ZNF30: variants seen among roughly 807,000 people sequenced by gnomAD.
ZNF30 encodes the protein zinc finger protein 30 (KOX 28).
A neutral mutation model predicts 13.2 loss-of-function variants in ZNF30; 15 were observed. The ratio of observed to expected loss-of-function variants is 1.13; its 90% confidence interval spans 0.76 to 1.75. ZNF30 has a LOEUF of 1.75. ZNF30 is among the 40% of genes most tolerant of loss of function. The pLI is 0.00. For missense variants in ZNF30, 726 were observed against 757.0 expected (o/e 0.96, Z 0.48); for synonymous variants, 223 against 256.6 (o/e 0.87, Z 1.25).
upstream of ZNF30, among the ~76,000 whole-genome samples, chr19:34,924,053 G>A (rs2011988888): frequency 6.6e-6 from 1 of 152,210 alleles, no homozygotes; most frequent in East Asian, 1.9e-4. Context: ...CAGCTGTAGG[G>A]TTTGTGAGTA....
At position 34,927,143 on chromosome 19, in the gene ZNF30, G is replaced by A; in HGVS notation, c.-138G>A. On this transcript the variant is annotated 5_prime_UTR_variant, in exon 1 of 5. Coordinates refer to ENST00000601142, the MANE Select transcript of ZNF30 (RefSeq NM_194325.3). ...TTGGAGCAGCCCCGCCGGGCAACTT[G>A]AATTTCTGCAAACGAACACAGCACC... is the stretch of plus-strand genomic sequence containing the variant. 5.1e-6 allele frequency: 2 copies of A among 394,544 alleles called. No homozygotes were observed. Among genetic ancestry groups the A allele is most frequent in the Non-Finnish European group, 8.9e-6 (2 of 223,796 alleles). The allele number at this position is 394,544 out of a possible 1,614,324, so 24.4% of individuals were successfully genotyped here.
At position 34,927,130 on chromosome 19, in the gene ZNF30, C is replaced by T. The variant is rs144995021; in HGVS notation, c.-151C>T. ...CCCAGCTCCGAGGTTGGAGCAGCCC[C>T]GCCGGGCAACTTGAATTTCTGCAAA... On this transcript the variant is annotated 5_prime_UTR_variant, in exon 1 of 5. Coordinates refer to ENST00000601142, the MANE Select transcript of ZNF30 (RefSeq NM_194325.3). 4.0e-5 allele frequency: 16 copies of T among 396,204 alleles called. No individual in the cohort carries two copies. In the East Asian group the frequency reaches 5.4e-4, roughly 13 times the overall value. 24.5% of individuals were successfully genotyped at this position (396,204 alleles called of 1,614,324 possible). A position where few individuals can be genotyped will look rare whatever the true frequency, so the allele number is the denominator to read the frequency against.
upstream of ZNF30, chr19:34,926,590 T>C (rs948183772): frequency 3.0e-5 from 5 of 169,332 alleles, no homozygotes; most frequent in South Asian, 1.0e-3. Flanking sequence ...TGTTAAATAA[T>C]AGCATTTCTG....
upstream of ZNF30, among the ~76,000 whole-genome samples, chr19:34,925,690 T>C (rs1389581412): frequency 6.6e-6 from 1 of 152,244 alleles, no homozygotes; most frequent in South Asian, 2.1e-4. Flanking sequence ...CCTAGGTCAG[T>C]TGGCACAGGG....
At chr19:34,932,060 A>G in intron 3 of ZNF30, 67 bp downstream of exon 3, 1 of 1,402,218 alleles carries the variant, frequency 7.1e-7, no homozygotes. Flanking sequence ...TGCAGATTTT[A>G]GGGCTAGCTT....
rs1273314657 is a variant in ZNF30, at chr19:34,929,927, A to G, written c.-21A>G. On this transcript the variant is annotated 5_prime_UTR_variant, in exon 2 of 5. Coordinates refer to ENST00000601142, the MANE Select transcript of ZNF30 (RefSeq NM_194325.3). ...AGAGGAACCCCAGTGAAGACTGATC[A>G]GTTCTTACAATTCTCAAAGCATGGC... is the stretch of plus-strand genomic sequence containing the variant. 5 of 1,604,480 alleles carry G rather than the reference A, an allele frequency of 3.1e-6. No homozygotes were observed. Among genetic ancestry groups the G allele is most frequent in the Non-Finnish European group, 4.3e-6 (5 of 1,175,292 alleles).
intron 2 of ZNF30, among the ~76,000 whole-genome samples, chr19:34,931,068 C>T (rs1296552244): frequency 2.2e-5 from 3 of 133,404 alleles, no homozygotes; most frequent in Admixed American, 8.4e-5. Flanking sequence ...GACTGAGTCT[C>T]GCTCTGTCAC....
intron 4 of ZNF30, among the ~76,000 whole-genome samples, chr19:34,936,863 T>A (rs1374464898): frequency 6.6e-6 from 1 of 151,756 alleles, no homozygotes; most frequent in Non-Finnish European, 1.5e-5. Flanking sequence ...ACCACTGCAC[T>A]CTAGCCTGGG....
intron 3 of ZNF30, among the ~76,000 whole-genome samples, chr19:34,932,925 C>T (rs906554220): frequency 7.9e-5 from 12 of 151,494 alleles, no homozygotes; most frequent in East Asian, 7.9e-4. Flanking sequence ...GGATTATAAG[C>T]GTACACCACC....
rs376117703 is a variant in ZNF30 at position 34,943,976 on chromosome 19, T to C, written c.1010T>C (p.Ile337Thr). The part of the protein sequence containing the change: ...VYGQLTRHQS[I>T]HTGEKPFECK... ...GGACAGCTTACTCGACATCAGAGTA[T>C]TCATACTGGTGAGAAACCTTTTGAA... The change falls in exon 5 of 5, where the codon ATT (isoleucine) becomes ACT (threonine). Residue 337 changes from isoleucine (I) to threonine (T), a missense_variant. Ile to Thr is a moderately conservative substitution (Grantham distance 89). Transcript: ENST00000601142. The C allele has an allele frequency of 5.6e-6, 9 of 1,613,954 alleles. No individual in the cohort carries two copies. In the Middle Eastern group the frequency reaches 6.6e-4, roughly 118 times the overall value.
chr19:34,939,429 C>T (rs536845078), intron 4 of ZNF30, among the ~76,000 whole-genome samples: 3 of 151,964 alleles, frequency 2.0e-5, no homozygotes, highest in Non-Finnish European at 2.9e-5. Context: ...CCACCCGCTT[C>T]GGCCTCCCAA....
chr19:34,928,065 C>T (rs2012171198), intron 1 of ZNF30, among the ~76,000 whole-genome samples: 3 of 151,582 alleles, frequency 2.0e-5, no homozygotes, highest in African/African-American at 4.8e-5. Flanking sequence ...ATTAGCCAGG[C>T]ATGGTGGCGT....
chr19:34,931,898 C>A lies in ZNF30; in HGVS notation c.65C>A (p.Ala22Asp). The change falls in exon 3 of 5, where the codon GCC becomes GAC. Residue 22 changes from alanine to aspartate, a missense_variant. Physicochemically the swap from Ala to Asp is moderately radical, Grantham distance 126 (BLOSUM62 -2). Transcript: ENST00000601142. ...GSVTFEDVAI[A>D]FSQQEWESLD... ...GTGACATTTGAGGATGTGGCCATAGCCTTCTCCCAGCAGGAGTGGGAGAGT... is the reference window on the plus strand; with the variant it reads ...GTGACATTTGAGGATGTGGCCATAGACTTCTCCCAGCAGGAGTGGGAGAGT... 1.2e-6 allele frequency: 2 copies of A among 1,613,420 alleles called. No homozygotes were observed. The highest frequency in any genetic ancestry group is 1.7e-6 in the Non-Finnish European group (2 of 1,179,736).
chr19:34,945,113 A>G lies in ZNF30; in HGVS notation c.*275A>G, dbSNP rs2013272504. 1 of 341,160 alleles carries G rather than the reference A, an allele frequency of 2.9e-6. No individual in the cohort carries two copies. 21.1% of individuals were successfully genotyped at this position (341,160 alleles called of 1,614,324 possible). On this transcript the variant is annotated 3_prime_UTR_variant, in exon 5 of 5. Transcript: ENST00000601142. ...GACAGCATGAACTTTTATATGATGC[A>G]TTTATTCTAATGTGATTGTATGAAC...
In ZNF30 at chr19:34,943,749, G is replaced by C. The variant is rs778761245; in HGVS notation, c.783G>C (p.Gly261=). The change falls in exon 5 of 5, where the codon GGG becomes GGC. Residue 261 remains glycine, a synonymous_variant. Transcript: ENST00000601142. ...QSTHTGEKPF[G]CEECGKAFST... ...CTCACACTGGTGAAAAACCCTTTGG[G>C]TGTGAGGAGTGTGGGAAGGCCTTCA... The C allele has an allele frequency of 1.7e-5, 28 of 1,613,706 alleles. No homozygotes were observed. Among genetic ancestry groups the C allele is most frequent in the Non-Finnish European group, 2.3e-5 (27 of 1,179,858 alleles).
At chr19:34,934,349 G>A (rs1469040606) in intron 4 of ZNF30, among the ~76,000 whole-genome samples, 2 of 152,006 alleles carry the variant, frequency 1.3e-5, no homozygotes, top group Non-Finnish European at 2.9e-5. Flanking sequence ...CTGCAGCCTC[G>A]AACTCCTGGG....
chr19:34,939,134 C>T (rs1350186203), intron 4 of ZNF30, among the ~76,000 whole-genome samples: 6 of 86,282 alleles, frequency 7.0e-5, no homozygotes, highest in Non-Finnish European at 1.0e-4. Flanking sequence ...CCCCTCCCCT[C>T]CCCTCCCCTC....
intron 4 of ZNF30, among the ~76,000 whole-genome samples, chr19:34,937,837 C>G (rs560430229): frequency 6.6e-6 from 1 of 152,110 alleles, no homozygotes; most frequent in South Asian, 2.1e-4. Context: ...CCCACTCTGT[C>G]ACCCAGGCTA....
In ZNF30 at chr19:34,941,166, G is replaced by C. The variant is rs191752196; in HGVS notation, c.257-2057G>C. Among the ~76,000 whole-genome samples, 35 of 152,274 alleles carry C rather than the reference G, an allele frequency of 2.3e-4. No homozygotes were observed. The East Asian group carries it at 6.5e-3, about 28-fold the overall frequency. ...TTATCGGGATTACAATGCTAATATG[G>C]TTCTCCCCATTTTGAGGGTCCTCTT... On this transcript the variant is annotated intron_variant, in intron 4 of 4. Coordinates refer to ENST00000601142, the MANE Select transcript of ZNF30 (RefSeq NM_194325.3).
Sources: allele counts gnomAD v4.1 joint callset (sites outside exome capture counted in the v4.1 genomes callset), GRCh38; gene constraint gnomAD v4.1.1; transcripts MANE v1.5; gene names NCBI Gene and HGNC (gene_info 2026-07-23, HGNC 2026-07-21).